Variants in CHLSN observed in about 807,000 individuals in gnomAD.
The protein encoded by CHLSN is protein cholesin.
At chr7:1,037,114 A>C in the CHLSN span, among the ~76,000 whole-genome samples, 1 of 147,532 alleles carries the variant, frequency 6.8e-6, no homozygotes, top group African/African-American at 2.4e-5. Flanking sequence ...CTGTCTCAAA[A>C]AAAAATTTTT....
chr7:1,136,198 A>G, the CHLSN span, among the ~76,000 whole-genome samples: 2 of 115,248 alleles, frequency 1.7e-5, no homozygotes, highest in Admixed American at 1.0e-4. Context: ...AAATATATAC[A>G]CAAATATATA....
chr7:983,636 G>A, the CHLSN span, among the ~76,000 whole-genome samples: 1 of 152,188 alleles, frequency 6.6e-6, no homozygotes. Flanking sequence ...GGGAGCAGGA[G>A]TCTGGAGGGC....
the CHLSN span, among the ~76,000 whole-genome samples, chr7:1,112,991 A>C: frequency 6.6e-6 from 1 of 152,346 alleles, no homozygotes; most frequent in South Asian, 2.1e-4. Context: ...TGGATGAATA[A>C]GGGTCTATAA....
chr7:987,468 C>T, the CHLSN span: 2 of 1,564,238 alleles, frequency 1.3e-6, no homozygotes, highest in East Asian at 2.4e-5. Context: ...TCATCACGCT[C>T]CTGCCGCACG....
At chr7:1,092,604 TC>T in the CHLSN span, 4 of 1,611,846 alleles carry the variant, frequency 2.5e-6, no homozygotes, top group Non-Finnish European at 2.5e-6. Context: ...CTGGGGCCGC[TC>T]CCTGCAAGCA....
At chr7:985,357 G>A in the CHLSN span, 8 of 1,538,740 alleles carry the variant, frequency 5.2e-6, no homozygotes, top group Middle Eastern at 8.5e-4. Flanking sequence ...GGGGTGGGGT[G>A]GAGCCTGGAG....
the CHLSN span, among the ~76,000 whole-genome samples, chr7:1,018,033 C>T: frequency 3.3e-5 from 5 of 152,340 alleles, no homozygotes; most frequent in Admixed American, 1.3e-4. Context: ...AAAGTCCCCA[C>T]GGGGCTCAGA....
chr7:1,021,567 G>A, the CHLSN span: 16 of 985,432 alleles, frequency 1.6e-5, no homozygotes, highest in Non-Finnish European at 1.9e-5. Context: ...TTCAGCAGCT[G>A]TCAGTCATCA....
the CHLSN span, chr7:1,029,073 A>G: frequency 6.6e-6 from 1 of 151,936 alleles, no homozygotes; most frequent in Non-Finnish European, 1.5e-5. Flanking sequence ...GGGCGTCTAG[A>G]TCTCTTCTGG....
At chr7:995,229 C>G in the CHLSN span, among the ~76,000 whole-genome samples, 2,449 of 152,334 alleles carry the variant, frequency 0.016, 52 homozygotes, top group African/African-American at 0.055. Flanking sequence ...CAGGGCATTG[C>G]GTGGTTCTCT....
At chr7:1,104,891 C>T in the CHLSN span, among the ~76,000 whole-genome samples, 88,304 of 152,094 alleles carry the variant, frequency 0.58, 26,894 homozygotes, top group African/African-American at 0.77. Context: ...ATATTCTTTA[C>T]AAACATGAGT....
the CHLSN span, chr7:1,057,689 C>T: frequency 9.0e-6 from 7 of 773,622 alleles, no homozygotes; most frequent in South Asian, 5.4e-5. Context: ...GCAAGGCCAG[C>T]ATGACCATGC....
chr7:1,069,270 G>T, the CHLSN span, among the ~76,000 whole-genome samples: 2 of 152,158 alleles, frequency 1.3e-5, no homozygotes, highest in African/African-American at 4.8e-5. Flanking sequence ...GGCAGAGGTT[G>T]CGGTGAGCCA....
the CHLSN span, among the ~76,000 whole-genome samples, chr7:998,451 TAG>T: frequency 6.7e-6 from 1 of 149,338 alleles, no homozygotes; most frequent in Non-Finnish European, 1.5e-5. Flanking sequence ...TGCAAAGTCT[TAG>T]ATTCTTTTTT....
chr7:1,047,004 C>A, the CHLSN span, among the ~76,000 whole-genome samples: 1 of 152,230 alleles, frequency 6.6e-6, no homozygotes, highest in African/African-American at 2.4e-5. Flanking sequence ...CCAGAGTCTG[C>A]AGTAGAGACT....
chr7:1,026,501 G>T, the CHLSN span: 1 of 152,346 alleles, frequency 6.6e-6, no homozygotes, highest in East Asian at 1.9e-4. Flanking sequence ...AGTCGGAGGC[G>T]GCGTTGTTTC....
At chr7:1,118,873 TA>T in the CHLSN span, among the ~76,000 whole-genome samples, 65 of 140,316 alleles carry the variant, frequency 4.6e-4, no homozygotes, top group African/African-American at 1.7e-3. Context: ...TTAAAAAAAC[TA>T]AAGTATTAAA....
chr7:1,058,031 C>T, the CHLSN span: 1 of 769,358 alleles, frequency 1.3e-6, no homozygotes, highest in Non-Finnish European at 2.4e-6. Context: ...GCCATGTGTC[C>T]ACCCGCGCGC....
the CHLSN span, chr7:1,093,701 A>G: frequency 4.3e-5 from 20 of 468,322 alleles, 1 homozygote; most frequent in South Asian, 2.9e-4. Flanking sequence ...TACAGAAATA[A>G]CAGCTGGGGA....
Sources: gnomAD v4.1 joint callset for allele counts (sites outside exome capture counted in the v4.1 genomes callset) on GRCh38, gnomAD v4.1.1 for gene constraint, MANE v1.5 for transcripts, NCBI Gene and HGNC (gene_info 2026-07-23, HGNC 2026-07-21) for gene names.